The following NIN variants were observed in gnomAD, a reference collection of about 807,000 sequenced individuals.
NIN encodes glycogen synthase kinase 3 beta-interacting protein.
A neutral mutation model predicts 257.6 loss-of-function variants in NIN; 137 were observed. The ratio of observed to expected loss-of-function variants is 0.53; its 90% CI spans 0.46 to 0.61. The LOEUF is 0.61. NIN is among the 20% of genes least tolerant of loss of function. The pLI, the probability that NIN is intolerant of heterozygous loss-of-function variation, is 0.00. For missense variants in NIN, 2,439 were observed against 2,501.2 expected (o/e 0.98, Z 0.53); for synonymous variants, 918 against 919.8 (o/e 1.00, Z 0.04).
At chr14:50,756,470 G>A (rs768094168) in intron 18 of NIN, 22 bp downstream of exon 18, 21 of 1,563,240 alleles carry the variant, frequency 1.3e-5, no homozygotes, top group East Asian at 6.7e-5. Flanking sequence ...GATTCGTGAC[G>A]TCTAGAAGGT....
At chr14:50,786,932 G>T (rs2043371744) in intron 5 of NIN, among the ~76,000 whole-genome samples, 1 of 152,208 alleles carries the variant, frequency 6.6e-6, no homozygotes, top group Non-Finnish European at 1.5e-5. Flanking sequence ...ACTTCTTGAA[G>T]AAGTTTCATT....
At chr14:50,814,320 A>G (rs1363277153) in intron 3 of NIN, among the ~76,000 whole-genome samples, 2 of 152,202 alleles carry the variant, frequency 1.3e-5, no homozygotes, top group Non-Finnish European at 2.9e-5. Context: ...TTCTTGGTAA[A>G]TCATTACTAG....
chr14:50,756,894 C>T lies in NIN; in HGVS notation c.4136G>A (p.Ser1379Asn), dbSNP rs780175951. ...ACATTCCTCTATGACATGATGTACA[C>T]TCCTAACCCTGGGCACACACTCTTC... ...TLEECVPRVR[S>N]VHHVIEECKQ... Residue 1379 changes from serine to asparagine, a missense_variant, in exon 18 of 31, where the codon AGT (serine) becomes AAT (asparagine). By Grantham distance (46) the Ser-to-Asn change is conservative. Around this residue, in one of 3 missense-constraint regions of NIN, gnomAD observed 2,043 missense variants for 2,050.2 expected, o/e 1.00. Coordinates refer to ENST00000530997, the MANE Select transcript of NIN (RefSeq NM_020921.4). The T allele has an allele frequency of 6.4e-7, 1 of 1,555,594 alleles. No individual in the cohort carries two copies. Among genetic ancestry groups the T allele is most frequent in the South Asian group, 1.2e-5 (1 of 85,052 alleles).
At chr14:50,812,551 G>T (rs1280309908) in intron 3 of NIN, among the ~76,000 whole-genome samples, 1 of 152,216 alleles carries the variant, frequency 6.6e-6, no homozygotes, top group Non-Finnish European at 1.5e-5. Flanking sequence ...AAGTGGAAGG[G>T]TGGAATGGGG....
chr14:50,755,083 AG>A (rs1228848407), intron 18 of NIN, among the ~76,000 whole-genome samples: 4 of 152,240 alleles, frequency 2.6e-5, no homozygotes, highest in Non-Finnish European at 5.9e-5. Context: ...AGAGAAGTGT[AG>A]CTAAAAAACC....
chr14:50,768,339 G>A (rs1032124109), intron 12 of NIN, among the ~76,000 whole-genome samples: 1 of 152,140 alleles, frequency 6.6e-6, no homozygotes, highest in African/African-American at 2.4e-5. Context: ...TAAATGTAGA[G>A]CCTAGAACAA....
In NIN at chr14:50,772,664, G is replaced by A. The variant is rs10151109; in HGVS notation, c.814-196C>T. On this transcript the variant is annotated intron_variant, in intron 8 of 30. Transcript: ENST00000530997. ...GAGCTTATCAAAACCAACTGTTTTG[G>A]TAGAGAGTTCTATGACATAGACGAG... Among the ~76,000 whole-genome samples, 15,431 of 152,174 alleles carry A rather than the reference G, an allele frequency of 0.1. 1,325 individuals carry two copies. The highest frequency in any genetic ancestry group is 0.24 in the African/African-American group (9,783 of 41,464).
chr14:50,818,896 C>CAA (rs10618868), intron 3 of NIN, among the ~76,000 whole-genome samples: 1 of 145,936 alleles, frequency 6.9e-6, no homozygotes, highest in Non-Finnish European at 1.5e-5. Flanking sequence ...CATTAGGCCT[C>CAA]AAAAAAAAAA....
intron 18 of NIN, 28 bp downstream of exon 18, chr14:50,756,464 C>T (rs773349515): frequency 1.0e-5 from 16 of 1,549,018 alleles, no homozygotes; most frequent in East Asian, 2.2e-5. Flanking sequence ...CTGTGGGATT[C>T]GTGACGTCTA....
Position 50,792,717 on chromosome 14 carries a change from T to C in NIN, c.430A>G (p.Ser144Gly), listed in dbSNP as rs753580555. Reference protein sequence around the residue: ...RPSHIPAGDCSEHWKTQRSEE... With the variant: ...RPSHIPAGDCGEHWKTQRSEE... ...GTGCATGCCCGATTCCTTACCTCAC[T>C]GCAGTCACCGGCTGGGATGTGTGAA... Residue 144 changes from serine (S) to glycine (G), a missense_variant, in exon 5 of 31, where the codon AGT (serine) becomes GGT (glycine). Around this residue, in one of 3 missense-constraint regions of NIN, gnomAD observed 387 missense variants for 427.3 expected, o/e 0.91. Coordinates refer to ENST00000530997, the MANE Select transcript of NIN (RefSeq NM_020921.4). 6.2e-6 allele frequency: 10 copies of C among 1,614,072 alleles called. No individual in the cohort carries two copies. Among genetic ancestry groups the C allele is most frequent in the South Asian group, 1.1e-5 (1 of 91,084 alleles).
At chr14:50,779,993 C>T (rs2043070051) in intron 5 of NIN, among the ~76,000 whole-genome samples, 1 of 152,198 alleles carries the variant, frequency 6.6e-6, no homozygotes, top group Non-Finnish European at 1.5e-5. Context: ...GCCTCTTCTC[C>T]AAAGTCACAG....
At chr14:50,812,453 G>C (rs917957115) in intron 3 of NIN, among the ~76,000 whole-genome samples, 1 of 152,140 alleles carries the variant, frequency 6.6e-6, no homozygotes, top group African/African-American at 2.4e-5. Context: ...CACACACCAA[G>C]TATAAGGCAG....
At chr14:50,746,503 G>T (rs932290387) in intron 22 of NIN, among the ~76,000 whole-genome samples, 1 of 152,106 alleles carries the variant, frequency 6.6e-6, no homozygotes, top group Non-Finnish European at 1.5e-5. Context: ...AAAGCAAGAC[G>T]CATAGGAGTC....
chr14:50,825,439 G>A (rs965458082), intron 2 of NIN, among the ~76,000 whole-genome samples: 17 of 152,168 alleles, frequency 1.1e-4, no homozygotes, highest in Non-Finnish European at 2.2e-4. Flanking sequence ...CTGTAACTGG[G>A]AATTACTTCT....
chr14:50,798,520 A>C (rs1300531180), intron 4 of NIN, among the ~76,000 whole-genome samples: 1 of 152,250 alleles, frequency 6.6e-6, no homozygotes, highest in Admixed American at 6.5e-5. Context: ...CAACAGGAAT[A>C]AAATCTTTGA....
rs1244356309 is a variant in NIN at position 50,831,103 on chromosome 14, C to T, written c.-173G>A. 1.3e-5 allele frequency: 2 copies of T among 149,736 alleles called. No homozygotes were observed. Among genetic ancestry groups the T allele is most frequent in the African/African-American group, 4.9e-5 (2 of 41,172 alleles). The allele number at this position is 149,736 out of a possible 1,614,324, so 9.3% of individuals were successfully genotyped here. ...GGCAGCGGGACGGCCGCGCCCAGCG[C>T]GCTCGGCTCCCGGCTCGGCCGCGGC... is the stretch of plus-strand genomic sequence containing the variant. On this transcript the variant is annotated 5_prime_UTR_variant, in exon 1 of 31. Transcript: ENST00000530997.
chr14:50,814,132 A>G (rs2044766721), intron 3 of NIN, among the ~76,000 whole-genome samples: 1 of 152,192 alleles, frequency 6.6e-6, no homozygotes, highest in African/African-American at 2.4e-5. Context: ...AATTTACTGC[A>G]GACAATGTAG....
chr14:50,783,971 C>G (rs2043240163), intron 5 of NIN, among the ~76,000 whole-genome samples: 1 of 152,178 alleles, frequency 6.6e-6, no homozygotes. Flanking sequence ...AAGCGAGGAA[C>G]AATGGCTGAG....
At chr14:50,743,277 A>T (rs2041376506) in intron 24 of NIN, 139 bp downstream of exon 24, 1 of 616,090 alleles carries the variant, frequency 1.6e-6, no homozygotes, top group Non-Finnish European at 2.9e-6. Context: ...CTATAAACAC[A>T]CATCAAACAT....
Sources: gnomAD v4.1 joint callset for allele counts (sites outside exome capture counted in the v4.1 genomes callset) on GRCh38, gnomAD v4.1.1 for gene constraint, gnomAD v4.1.1 regional missense constraint, MANE v1.5 for transcripts, NCBI Gene and HGNC (gene_info 2026-07-23, HGNC 2026-07-21) for gene names.